The following NBEA variants were observed in gnomAD, a reference collection of about 807,000 sequenced individuals.
NBEA encodes neurobeachin, also known as lysosomal-trafficking regulator 2.
NBEA carries 44 observed loss-of-function variants against 343.4 expected under a neutral mutation model. The ratio of observed to expected loss-of-function variants is 0.13; its 90% CI spans 0.10 to 0.16. The LOEUF (loss-of-function observed/expected upper bound fraction) is 0.16. NBEA is among the 10% of genes least tolerant of loss of function. The pLI, the probability that NBEA is intolerant of heterozygous loss-of-function variation, is 1.00. For synonymous variants in NBEA, 1,175 were observed against 1,238.7 expected (o/e 0.95, Z 1.08); for missense variants, 2,555 against 3,631.3 (o/e 0.70, Z 7.62).
chr13:35,290,309 A>T, intron 34 of NBEA, 80 bp from the exon 35 acceptor site: 1 of 906,888 alleles, frequency 1.1e-6, no homozygotes, highest in Non-Finnish European at 1.8e-6. Flanking sequence ...TTTATAAATT[A>T]AAATTATATA....
intron 49 of NBEA, among the ~76,000 whole-genome samples, chr13:35,643,091 CT>C (rs75357259): frequency 0.32 from 47,264 of 145,862 alleles, 9,090 homozygotes; most frequent in Middle Eastern, 0.53. Context: ...CCAGTAGTTT[CT>C]TTTTTTTTTT....
At chr13:34,989,358 A>G (rs950344613) in intron 1 of NBEA, among the ~76,000 whole-genome samples, 1 of 151,058 alleles carries the variant, frequency 6.6e-6, no homozygotes, top group Non-Finnish European at 1.5e-5. Context: ...TAATCGATTC[A>G]CATTTTCACA....
chr13:35,217,719 A>G (rs145188160), intron 33 of NBEA, among the ~76,000 whole-genome samples: 1 of 152,094 alleles, frequency 6.6e-6, no homozygotes, highest in Non-Finnish European at 1.5e-5. Flanking sequence ...TAGAAAGGGT[A>G]GACTTGCTAG....
chr13:34,992,837 T>TG (rs2060809435), intron 1 of NBEA, among the ~76,000 whole-genome samples: 1 of 60,302 alleles, frequency 1.7e-5, no homozygotes, highest in African/African-American at 4.4e-5. Context: ...CACACCCGGC[T>TG]AATTTTTTTT....
intron 34 of NBEA, among the ~76,000 whole-genome samples, chr13:35,245,428 G>A (rs2031037615): frequency 6.6e-6 from 1 of 152,008 alleles, no homozygotes. Flanking sequence ...TGTGTTTCCA[G>A]GATTTGTCAA....
intron 34 of NBEA, among the ~76,000 whole-genome samples, chr13:35,250,141 G>A (rs2031779686): frequency 6.6e-6 from 1 of 152,238 alleles, no homozygotes; most frequent in Non-Finnish European, 1.5e-5. Context: ...AACCTCTGGA[G>A]ATGTGAATAT....
intron 41 of NBEA, among the ~76,000 whole-genome samples, chr13:35,521,852 C>T (rs1342042835): frequency 1.3e-5 from 2 of 152,156 alleles, no homozygotes; most frequent in Non-Finnish European, 1.5e-5. Context: ...ATGGTTGGTA[C>T]ATACATTCCA....
intron 48 of NBEA, among the ~76,000 whole-genome samples, chr13:35,624,772 A>G (rs575676571): frequency 1.5e-4 from 23 of 152,120 alleles, no homozygotes; most frequent in African/African-American, 5.3e-4. Context: ...AAATTAAGAT[A>G]ATAATAGAAA....
intron 49 of NBEA, among the ~76,000 whole-genome samples, chr13:35,628,520 G>T (rs1050874555): frequency 2.6e-5 from 4 of 152,084 alleles, no homozygotes; most frequent in African/African-American, 7.2e-5. Context: ...AATATGTAAT[G>T]CTTTACGTAT....
intron 55 of NBEA, among the ~76,000 whole-genome samples, chr13:35,657,536 C>T (rs1023563440): frequency 6.6e-6 from 1 of 152,094 alleles, no homozygotes; most frequent in Non-Finnish European, 1.5e-5. Context: ...CCTATGTATG[C>T]GTATGTGTAC....
intron 34 of NBEA, among the ~76,000 whole-genome samples, chr13:35,279,942 C>T (rs540832087): frequency 4.6e-5 from 7 of 152,234 alleles, no homozygotes; most frequent in Admixed American, 3.3e-4. Flanking sequence ...TTTCTCCTGT[C>T]TGCCCATCAT....
chr13:35,547,616 G>A (rs755292450), intron 41 of NBEA, among the ~76,000 whole-genome samples: 2 of 152,156 alleles, frequency 1.3e-5, no homozygotes, highest in Admixed American at 6.5e-5. Flanking sequence ...GGCCAGGCGT[G>A]GTGGCTCACA....
intron 34 of NBEA, among the ~76,000 whole-genome samples, chr13:35,241,836 A>T (rs182121631): frequency 1.8e-4 from 28 of 152,006 alleles, no homozygotes; most frequent in Non-Finnish European, 2.7e-4. Flanking sequence ...CCCTTATCCC[A>T]CACCCTCCTC....
intron 1 of NBEA, among the ~76,000 whole-genome samples, chr13:34,977,055 C>G (rs2060203376): frequency 6.6e-6 from 1 of 151,628 alleles, no homozygotes; most frequent in Non-Finnish European, 1.5e-5. Context: ...ATTCTCCTGC[C>G]TCAGCCTCCC....
chr13:35,540,774 G>A (rs1018380101), intron 41 of NBEA, among the ~76,000 whole-genome samples: 4 of 152,128 alleles, frequency 2.6e-5, no homozygotes, highest in Non-Finnish European at 4.4e-5. Flanking sequence ...CCATTTTTTA[G>A]GGGATGTATA....
In NBEA at chr13:35,537,326, A is replaced by G. The variant is rs970595640; in HGVS notation, c.6586-13151A>G. Among the ~76,000 whole-genome samples, 4 of 152,180 alleles carry G rather than the reference A, an allele frequency of 2.6e-5. No individual in the cohort carries two copies. In the East Asian group the frequency reaches 7.8e-4, roughly 30 times the overall value. On this transcript the variant is annotated intron_variant, in intron 41 of 58. Transcript: ENST00000379939. ...TACAGGGTCTCCTAGCTTAATCATT[A>G]ATAGAAGTTAATCAGAAGAACAAAA...
At chr13:35,359,177 ATG>A (rs2040667955) in intron 38 of NBEA, among the ~76,000 whole-genome samples, 1 of 152,232 alleles carries the variant, frequency 6.6e-6, no homozygotes, top group South Asian at 2.1e-4. Context: ...TCTGGCTGTT[ATG>A]TGAAGACACA....
At chr13:35,045,447 G>A (rs2062813936) in intron 4 of NBEA, 46 bp downstream of exon 4, 3 of 1,413,614 alleles carry the variant, frequency 2.1e-6, no homozygotes, top group Non-Finnish European at 2.9e-6. Flanking sequence ...TTATTTTTAG[G>A]TCACCTTTAG....
intron 17 of NBEA, among the ~76,000 whole-genome samples, chr13:35,138,152 T>C (rs1055457122): frequency 6.6e-6 from 1 of 152,130 alleles, no homozygotes; most frequent in African/African-American, 2.4e-5. Context: ...TCAATGAAAA[T>C]AAGATCTACT....
Sources: allele counts gnomAD v4.1 joint callset (sites outside exome capture counted in the v4.1 genomes callset), GRCh38; gene constraint gnomAD v4.1.1; transcripts MANE v1.5; gene names NCBI Gene and HGNC (gene_info 2026-07-23, HGNC 2026-07-21).